Variants in SUPT3H observed in about 807,000 individuals in gnomAD.
The protein encoded by SUPT3H is SPT3 homolog, SAGA and STAGA complex component.
In SUPT3H, 44 loss-of-function variants were observed where a neutral mutation model predicts 44.3. The ratio of observed to expected loss-of-function variants is 0.99; its 90% confidence interval spans 0.78 to 1.28. The LOEUF (loss-of-function observed/expected upper bound fraction) is 1.28, where lower values mean the gene tolerates loss of function less well. Among genes scored for constraint, SUPT3H ranks in the 50% most tolerant of loss-of-function variants. The pLI, the probability that SUPT3H is intolerant of heterozygous loss-of-function variation, is 0.00. For synonymous variants in SUPT3H, 124 were observed against 125.6 expected (o/e 0.99, Z 0.09); for missense variants, 380 against 387.1 (o/e 0.98, Z 0.15).
At chr6:45,050,970 C>T (rs954573285) in intron 3 of SUPT3H, among the ~76,000 whole-genome samples, 8 of 150,018 alleles carry the variant, frequency 5.3e-5, no homozygotes, top group Admixed American at 2.7e-4. Context: ...CTGCAAGCTC[C>T]GCCTCCCAGG....
At position 45,052,074 on chromosome 6, in the gene SUPT3H, T is replaced by A. The variant is rs73737863; in HGVS notation, c.187-31442A>T. On this transcript the variant is annotated intron_variant, in intron 3 of 10. Coordinates refer to ENST00000371459, the MANE Select transcript of SUPT3H (RefSeq NM_003599.4). ...GCACAATGAGCCAGACAATAAAATC[T>A]TTTGAGAAATCAGAGGGAATCACCT... 3.9e-3 allele frequency among the ~76,000 whole-genome samples: 596 copies of A among 152,348 alleles called. 7 individuals are homozygous for A. Among genetic ancestry groups the A allele is most frequent in the African/African-American group, 0.014 (568 of 41,582 alleles).
chr6:45,346,955 T>C (rs1791006266), intron 2 of SUPT3H, among the ~76,000 whole-genome samples: 1 of 152,272 alleles, frequency 6.6e-6, no homozygotes, highest in African/African-American at 2.4e-5. Flanking sequence ...TAGGAGGACT[T>C]AGCAAAGGGA....
At chr6:45,032,021 T>G (rs534401822) in intron 3 of SUPT3H, among the ~76,000 whole-genome samples, 2 of 152,234 alleles carry the variant, frequency 1.3e-5, no homozygotes, top group Non-Finnish European at 2.9e-5. Context: ...AATGGGATTA[T>G]AGCAATGCAA....
chr6:44,957,742 C>A (rs550730581), intron 7 of SUPT3H, among the ~76,000 whole-genome samples: 6 of 151,450 alleles, frequency 4.0e-5, no homozygotes, highest in African/African-American at 1.5e-4. Context: ...CTGGCATTAG[C>A]AGACTCACAA....
At chr6:45,325,473 T>C (rs887977571) in intron 2 of SUPT3H, among the ~76,000 whole-genome samples, 2 of 151,870 alleles carry the variant, frequency 1.3e-5, no homozygotes, top group Non-Finnish European at 2.9e-5. Context: ...AGAAGCAAGA[T>C]ACCAACAACT....
Position 45,216,771 on chromosome 6 carries a change from G to T in SUPT3H, c.102-110765C>A, listed in dbSNP as rs577244513. 2.0e-5 allele frequency among the ~76,000 whole-genome samples: 3 copies of T among 152,218 alleles called. No homozygotes were observed. The Middle Eastern group carries it at 0.01, about 518-fold the overall frequency. On this transcript the variant is annotated intron_variant, in intron 2 of 10. Coordinates refer to ENST00000371459, the MANE Select transcript of SUPT3H (RefSeq NM_003599.4). ...GGATATAACAGTTGTAAATATATTT[G>T]TACCTAACACAGGAACACCTGATAT...
In SUPT3H at chr6:45,365,185, G is replaced by T. The variant is rs1272853072; in HGVS notation, c.101+16C>A. 1.2e-5 allele frequency: 17 copies of T among 1,471,970 alleles called. No homozygotes were observed. The highest frequency in any genetic ancestry group is 1.7e-4 in the Middle Eastern group (1 of 5,762). The allele number at this position is 1,471,970 out of a possible 1,614,324, so 91.2% of individuals were successfully genotyped here. A position where few individuals can be genotyped will look rare whatever the true frequency, so the allele number is the denominator to read the frequency against. On this transcript the variant is annotated intron_variant, in intron 2 of 10. Transcript: ENST00000371459. ...TTTAAAATAGTAATAGCAATAGCAT[G>T]CAGGGACATACTTACATCATACTCT...
chr6:45,028,951 C>T (rs1490879619), intron 3 of SUPT3H, among the ~76,000 whole-genome samples: 1 of 116,914 alleles, frequency 8.6e-6, no homozygotes, highest in South Asian at 2.9e-4. Flanking sequence ...TGGATCAAAA[C>T]ATCCAAGCCA....
intron 10 of SUPT3H, among the ~76,000 whole-genome samples, chr6:44,877,214 C>T (rs1051459373): frequency 6.6e-6 from 1 of 152,148 alleles, no homozygotes; most frequent in African/African-American, 2.4e-5. Context: ...TGCCTGTAAT[C>T]CCAGCACTTT....
chr6:44,980,465 T>G (rs1778948056), intron 6 of SUPT3H, among the ~76,000 whole-genome samples: 1 of 152,206 alleles, frequency 6.6e-6, no homozygotes, highest in African/African-American at 2.4e-5. Context: ...TCCCATAGAA[T>G]GCTTACATTT....
chr6:45,261,350 G>A (rs1401781324), intron 2 of SUPT3H, among the ~76,000 whole-genome samples: 2 of 151,886 alleles, frequency 1.3e-5, no homozygotes, highest in African/African-American at 4.8e-5. Flanking sequence ...TGAATCCAGA[G>A]GCACATCAAA....
rs1271189825 is a variant in SUPT3H, at chr6:45,372,746, C to A, written c.-1+5022G>T. Among the ~76,000 whole-genome samples the A allele has an allele frequency of 2.6e-5, 4 of 152,086 alleles. No individual in the cohort carries two copies. In the South Asian group the frequency reaches 6.2e-4, roughly 24 times the overall value. ...CAATCTCAGCTCAGTGCAATCTCCA[C>A]CTCCTGGGCTCAAGCAATCCTCCCA... On this transcript the variant is annotated intron_variant, in intron 1 of 10. Coordinates refer to ENST00000371459, the MANE Select transcript of SUPT3H (RefSeq NM_003599.4).
chr6:45,166,737 A>T (rs1809942162), intron 2 of SUPT3H, among the ~76,000 whole-genome samples: 1 of 152,230 alleles, frequency 6.6e-6, no homozygotes, highest in Non-Finnish European at 1.5e-5. Context: ...CACTTCAAAA[A>T]TGAAGATATC....
rs77524356 is a variant in SUPT3H at position 45,236,193 on chromosome 6, C to T, written c.101+129008G>A. Reference sequence around the variant, plus strand: ...GTGCATATGTCTTTAATTCCTCTAGCGCTGCTGGGTTAGGGTCTCCACGAC... The same window carrying T: ...GTGCATATGTCTTTAATTCCTCTAGTGCTGCTGGGTTAGGGTCTCCACGAC... On this transcript the variant is annotated intron_variant, in intron 2 of 10. Transcript: ENST00000371459. Among the ~76,000 whole-genome samples, 646 of 152,180 alleles carry T rather than the reference C, an allele frequency of 4.2e-3. 4 individuals are homozygous for T. Among genetic ancestry groups the T allele is most frequent in the African/African-American group, 0.015 (607 of 41,516 alleles).
intron 2 of SUPT3H, among the ~76,000 whole-genome samples, chr6:45,248,412 A>C (rs576556385): frequency 6.6e-6 from 1 of 152,258 alleles, no homozygotes; most frequent in Non-Finnish European, 1.5e-5. Context: ...AAATAAGAAA[A>C]ATTATCCAGT....
intron 3 of SUPT3H, among the ~76,000 whole-genome samples, chr6:45,066,500 T>C (rs1311936453): frequency 1.3e-5 from 1 of 76,884 alleles, no homozygotes; most frequent in Non-Finnish European, 2.6e-5. Context: ...GGTATTCAAT[T>C]AGGAAAAGAG....
intron 2 of SUPT3H, among the ~76,000 whole-genome samples, chr6:45,345,207 T>C (rs1790599207): frequency 2.0e-5 from 3 of 152,216 alleles, no homozygotes; most frequent in Admixed American, 6.5e-5. Flanking sequence ...CTATTACAAT[T>C]TAGTATTATA....
chr6:45,354,083 A>G (rs1243895561), intron 2 of SUPT3H, among the ~76,000 whole-genome samples: 5 of 152,194 alleles, frequency 3.3e-5, no homozygotes, highest in Non-Finnish European at 1.5e-5. Flanking sequence ...ATAACTTGAT[A>G]GAAATACATT....
At chr6:45,158,292 A>ATTTTT (rs1562573016) in intron 2 of SUPT3H, among the ~76,000 whole-genome samples, 2 of 32,340 alleles carry the variant, frequency 6.2e-5, no homozygotes, top group Non-Finnish European at 1.4e-4. Context: ...ATATATATAT[A>ATTTTT]TATATATTTT....
Sources: gnomAD v4.1 joint callset for allele counts (sites outside exome capture counted in the v4.1 genomes callset) on GRCh38, gnomAD v4.1.1 for gene constraint, MANE v1.5 for transcripts, NCBI Gene and HGNC (gene_info 2026-07-23, HGNC 2026-07-21) for gene names.